Variants in SLC16A10 observed in about 807,000 individuals in gnomAD.
The protein encoded by SLC16A10 is solute carrier family 16 member 10, also known as monocarboxylate transporter 10.
Under a neutral mutation model 40.0 loss-of-function variants are expected in SLC16A10, and 27 were observed. That is an observed-to-expected ratio of 0.67 (90% confidence interval 0.50 to 0.93). The LOEUF (loss-of-function observed/expected upper bound fraction) is 0.93, where lower values mean the gene tolerates loss of function less well. Ranked by LOEUF, SLC16A10 falls within the 40% of genes least tolerant of loss-of-function variation. The probability of loss-of-function intolerance (pLI) is 0.00; values close to 1 mark genes in which losing one functional copy is unlikely to be tolerated. For missense variants in SLC16A10, 529 were observed against 658.2 expected (o/e 0.80, Z 2.15); for synonymous variants, 213 against 249.8 (o/e 0.85, Z 1.39).
chr6:111,104,693 C>T (rs538225914), intron 1 of SLC16A10, among the ~76,000 whole-genome samples: 9 of 152,190 alleles, frequency 5.9e-5, no homozygotes, highest in South Asian at 2.1e-4. Flanking sequence ...CTCAGAGTGA[C>T]GCTGAGTCCA....
At chr6:111,204,345 C>A (rs1389669734) in intron 3 of SLC16A10, among the ~76,000 whole-genome samples, 2 of 151,964 alleles carry the variant, frequency 1.3e-5, no homozygotes, top group East Asian at 1.9e-4. Context: ...GGGGGGCAGG[C>A]AATTTGTGAG....
chr6:111,203,647 G>A (rs1272074523), intron 3 of SLC16A10, among the ~76,000 whole-genome samples: 1 of 151,470 alleles, frequency 6.6e-6, no homozygotes, highest in Admixed American at 6.6e-5. Flanking sequence ...GCTTGAACCA[G>A]GTAGGTGGAG....
intron 1 of SLC16A10, among the ~76,000 whole-genome samples, chr6:111,167,977 G>C (rs1011992297): frequency 1.3e-5 from 2 of 148,346 alleles, no homozygotes; most frequent in South Asian, 2.1e-4. Flanking sequence ...TCCTGGTCTA[G>C]TTTGCACTTT....
At chr6:111,165,836 A>AT (rs1452208219) in intron 1 of SLC16A10, among the ~76,000 whole-genome samples, 3 of 152,264 alleles carry the variant, frequency 2.0e-5, no homozygotes, top group Non-Finnish European at 4.4e-5. Flanking sequence ...GAAAGTACTC[A>AT]TTCCCTAAGC....
At chr6:111,103,094 C>T (rs143739276) in intron 1 of SLC16A10, among the ~76,000 whole-genome samples, 2,746 of 152,026 alleles carry the variant, frequency 0.018, 39 homozygotes, top group Middle Eastern at 0.062. Flanking sequence ...TTTGTAGAGA[C>T]GGGGTTTCGC....
intron 1 of SLC16A10, among the ~76,000 whole-genome samples, chr6:111,091,716 C>T (rs76931937): frequency 0.03 from 4,619 of 152,154 alleles, 112 homozygotes; most frequent in Non-Finnish European, 0.041. Context: ...GCTCTGTTAA[C>T]TCTTCCCACG....
rs1771077889 is a variant in SLC16A10, at chr6:111,229,986, G to GTTTTTTTTTTTTTTTTTTT, written c.*7754_*7755insTTTTTTTTTTTTTTTTTTT. ...ATGACAGGTTTCTTTTTCTTTCTTT[G>GTTTTTTTTTTTTTTTTTTT]TTTCTTTTTTTTTTTTTTTTTTGAG... On this transcript the variant is annotated 3_prime_UTR_variant, in exon 6 of 6. Coordinates refer to ENST00000368851, the MANE Select transcript of SLC16A10 (RefSeq NM_018593.5). 4.2e-5 allele frequency: 1 copy of GTTTTTTTTTTTTTTTTTTT among 23,634 alleles called. No individual in the cohort carries two copies. 1.5% of individuals were successfully genotyped at this position (23,634 alleles called of 1,614,324 possible).
intron 1 of SLC16A10, among the ~76,000 whole-genome samples, chr6:111,163,185 C>T (rs1171205293): frequency 7.5e-6 from 1 of 132,456 alleles, no homozygotes; most frequent in South Asian, 2.4e-4. Context: ...CGGAGTCTCG[C>T]TCTGTCGCCC....
intron 1 of SLC16A10, among the ~76,000 whole-genome samples, chr6:111,133,822 G>T (rs1300249582): frequency 1.3e-5 from 2 of 152,082 alleles, no homozygotes; most frequent in Non-Finnish European, 2.9e-5. Context: ...ATATTCCCTG[G>T]TTATGCACCC....
At chr6:111,170,916 T>A (rs241768) in intron 1 of SLC16A10, among the ~76,000 whole-genome samples, 3 of 151,878 alleles carry the variant, frequency 2.0e-5, no homozygotes, top group African/African-American at 4.8e-5. Flanking sequence ...GGTGGGCCGA[T>A]CACTTAAGCC....
chr6:111,178,866 G>A (rs1334797395), intron 3 of SLC16A10, among the ~76,000 whole-genome samples: 1 of 152,092 alleles, frequency 6.6e-6, no homozygotes, highest in African/African-American at 2.4e-5. Flanking sequence ...CATACTATTA[G>A]GAAAGTATAG....
intron 1 of SLC16A10, among the ~76,000 whole-genome samples, chr6:111,132,324 A>C (rs1771799355): frequency 6.6e-6 from 1 of 152,180 alleles, no homozygotes; most frequent in South Asian, 2.1e-4. Context: ...AGCCAGAGTA[A>C]ATTTAAAACC....
At chr6:111,194,274 AT>A (rs1773043618) in intron 3 of SLC16A10, among the ~76,000 whole-genome samples, 1 of 152,256 alleles carries the variant, frequency 6.6e-6, no homozygotes, top group African/African-American at 2.4e-5. Context: ...GAACAGTTTT[AT>A]CTCCATCTTG....
intron 1 of SLC16A10, among the ~76,000 whole-genome samples, chr6:111,141,265 G>A (rs531786814): frequency 2.1e-3 from 314 of 152,222 alleles, no homozygotes; most frequent in Non-Finnish European, 3.7e-3. Context: ...GCATAATCAA[G>A]ATATTTTGGT....
At chr6:111,136,631 G>A (rs969261871) in intron 1 of SLC16A10, among the ~76,000 whole-genome samples, 1 of 152,218 alleles carries the variant, frequency 6.6e-6, no homozygotes, top group Non-Finnish European at 1.5e-5. Flanking sequence ...CTGTCAACAA[G>A]TAATTGCTCA....
At chr6:111,216,553 C>A (rs1027618185) in intron 4 of SLC16A10, among the ~76,000 whole-genome samples, 2 of 148,516 alleles carry the variant, frequency 1.3e-5, no homozygotes, top group African/African-American at 2.5e-5. Flanking sequence ...CAGGCGCCCA[C>A]CACCACGCCC....
At position 111,177,380 on chromosome 6, in the gene SLC16A10, G is replaced by T; in HGVS notation, c.657G>T (p.Leu219Phe). Residue 219 changes from leucine to phenylalanine, a missense_variant, in exon 3 of 6, where the codon TTG (leucine) becomes TTT (phenylalanine). Transcript: ENST00000368851. ...GTGTCTTCACAATCCTGCTGCCTTT[G>T]CTCTTAAGGGTTCTGATTGACAGCG... Reference protein sequence around the residue: ...GSSVFTILLPLLLRVLIDSVG... With the variant: ...GSSVFTILLPFLLRVLIDSVG... The T allele has an allele frequency of 6.2e-7, 1 of 1,613,862 alleles. No homozygotes were observed. Among genetic ancestry groups the T allele is most frequent in the Non-Finnish European group, 8.5e-7 (1 of 1,179,930 alleles).
chr6:111,138,289 A>G (rs985840364), intron 1 of SLC16A10, among the ~76,000 whole-genome samples: 5 of 152,258 alleles, frequency 3.3e-5, no homozygotes, highest in Admixed American at 6.5e-5. Flanking sequence ...CATGTGTTTT[A>G]GGCAGAGAGA....
intron 1 of SLC16A10, among the ~76,000 whole-genome samples, chr6:111,157,811 C>G (rs1216076369): frequency 2.7e-5 from 4 of 150,746 alleles, no homozygotes; most frequent in Admixed American, 1.3e-4. Context: ...GGAGACTAGA[C>G]AAATCTCCCA....
Sources: gnomAD v4.1 joint callset for allele counts (sites outside exome capture counted in the v4.1 genomes callset) on GRCh38, gnomAD v4.1.1 for gene constraint, MANE v1.5 for transcripts, NCBI Gene and HGNC (gene_info 2026-07-23, HGNC 2026-07-21) for gene names.